Variants in VPS13C observed in about 807,000 individuals in gnomAD.
VPS13C encodes intermembrane lipid transfer protein VPS13C.
In VPS13C, 358 loss-of-function variants were observed where a neutral mutation model predicts 456.8. The observed-to-expected ratio is 0.78, with a 90% CI of 0.72 to 0.86. The LOEUF is 0.86. Ranked by LOEUF, VPS13C falls within the 40% of genes least tolerant of loss-of-function variation. The pLI is 0.00. For missense variants in VPS13C, 4,818 were observed against 4,385.4 expected, an observed-to-expected ratio of 1.10 and a Z score of -2.79; for synonymous variants, 1,578 against 1,486.7, an observed-to-expected ratio of 1.06 and a Z score of -1.41.
chr15:61,897,784 C>A (rs1275548895), intron 66 of VPS13C, among the ~76,000 whole-genome samples: 1 of 151,962 alleles, frequency 6.6e-6, no homozygotes, highest in Non-Finnish European at 1.5e-5. Flanking sequence ...AAGAGCAACT[C>A]CAAGACACAT....
chr15:62,020,445 G>C (rs368485914), intron 9 of VPS13C, 34 bp downstream of exon 9: 1 of 1,577,414 alleles, frequency 6.3e-7, no homozygotes, highest in Non-Finnish European at 8.6e-7. Context: ...TACTTTACAG[G>C]TTCCATAGAA....
rs538035368 is a variant in VPS13C, at chr15:61,890,451, T to C, written c.9106-51A>G. On this transcript the variant is annotated intron_variant, in intron 66 of 84. Transcript: ENST00000644861. ...ACCCACACATAGTAACTTGTTATTA[T>C]ATAAAATTGAACTATAATAACAGAA... is the stretch of plus-strand genomic sequence containing the variant. 1.5e-4 allele frequency: 218 copies of C among 1,490,598 alleles called. 3 individuals carry two copies. The South Asian group carries it at 2.5e-3, about 17-fold the overall frequency. 92.3% of individuals were successfully genotyped at this position (1,490,598 alleles called of 1,614,324 possible). A position where few individuals can be genotyped will look rare whatever the true frequency, so the allele number is the denominator to read the frequency against.
At chr15:62,009,661 A>G (rs2046976443) in intron 13 of VPS13C, among the ~76,000 whole-genome samples, 1 of 152,206 alleles carries the variant, frequency 6.6e-6, no homozygotes, top group African/African-American at 2.4e-5. Flanking sequence ...TACAACTTGC[A>G]TTACATTTTT....
In VPS13C at chr15:61,962,443, C is replaced by G. The variant is rs191357654; in HGVS notation, c.3531G>C (p.Val1177=). The change falls in exon 34 of 85, where the codon GTG becomes GTC. Residue 1177 remains valine, a synonymous_variant. Coordinates refer to ENST00000644861, the MANE Select transcript of VPS13C (RefSeq NM_020821.3). ...EGDLYTDMSK[V]DGVLSLNVGC... The stretch of plus-strand genomic sequence containing the variant: ...CAACATTCAGAGACAGCACACCATC[C>G]ACTTTGGACATGTCAGTATACAAAT... The G allele has an allele frequency of 6.2e-7, 1 of 1,611,646 alleles. No individual in the cohort carries two copies. Among genetic ancestry groups the G allele is most frequent in the South Asian group, 1.1e-5 (1 of 90,702 alleles).
Position 61,915,725 on chromosome 15 carries a change from G to A in VPS13C, c.8353C>T (p.Arg2785Cys), listed in dbSNP as rs145670690. ...TGTTTCACATGAATATCTTCTGAAC[G>A]ATACTGGAGAACCCGGGTAGTCTTG... ...INKTTRVLQY[R>C]SEDIHVKHPA... The change falls in exon 61 of 85, where the codon CGT becomes TGT. Residue 2785 changes from arginine to cysteine, a missense_variant. Physicochemically the swap from Arg to Cys is radical, Grantham distance 180 (BLOSUM62 -3). This residue lies in a region of VPS13C where 4,552 missense variants were observed against 4,130.6 expected (regional missense o/e 1.10). Transcript: ENST00000644861. 2,163 of 1,614,038 alleles carry A rather than the reference G, an allele frequency of 1.3e-3. 39 individuals carry two copies. The South Asian group carries it at 0.021, about 16-fold the overall frequency.
rs1045654653 is a variant in VPS13C at position 62,000,633 on chromosome 15, A to G, written c.1291-7T>C. On this transcript the variant is annotated splice_polypyrimidine_tract_variant and splice_region_variant and intron_variant, in intron 15 of 84. Transcript: ENST00000644861. ...CTAGAGTCTTCTCCAAGTCCTGTAAAAAACAGAGGCACTTATAAACAAGAA... is the reference window on the plus strand; with the variant it reads ...CTAGAGTCTTCTCCAAGTCCTGTAAGAAACAGAGGCACTTATAAACAAGAA... 6 of 1,591,092 alleles carry G rather than the reference A, an allele frequency of 3.8e-6. No individual in the cohort carries two copies. The African/African-American group carries it at 8.2e-5, about 22-fold the overall frequency.
chr15:61,999,879 G>A (rs74385541), intron 16 of VPS13C, among the ~76,000 whole-genome samples: 1,568 of 140,672 alleles, frequency 0.011, 37 homozygotes, highest in African/African-American at 0.04. Flanking sequence ...AGAAGGAAGG[G>A]AAGGAAGAGG....
chr15:62,015,853 C>A (rs12438476), intron 9 of VPS13C, among the ~76,000 whole-genome samples: 2 of 127,538 alleles, frequency 1.6e-5, no homozygotes, highest in African/African-American at 2.9e-5. Flanking sequence ...TTAGTGGGTG[C>A]AGCGCACCAG....
At chr15:62,014,849 G>T (rs978088997) in intron 9 of VPS13C, among the ~76,000 whole-genome samples, 1 of 152,024 alleles carries the variant, frequency 6.6e-6, no homozygotes, top group Admixed American at 6.6e-5. Context: ...ATAAAAGAGG[G>T]AATGGTAAAT....
chr15:61,884,114 G>C lies in VPS13C; in HGVS notation c.9483+14C>G, dbSNP rs763857277. The C allele has an allele frequency of 1.3e-6, 2 of 1,560,674 alleles. No homozygotes were observed. Among genetic ancestry groups the C allele is most frequent in the African/African-American group, 1.4e-5 (1 of 71,488 alleles). On this transcript the variant is annotated intron_variant, in intron 68 of 84. Transcript: ENST00000644861. ...TACACATATAAAAATCAAAACAAAA[G>C]AATTTTGGTATACCTCAAAATTATT...
rs778354649 is a variant in VPS13C at position 61,875,888 on chromosome 15, G to GT, written c.10225-44dup. 2.4e-6 allele frequency: 3 copies of GT among 1,247,238 alleles called. No homozygotes were observed. The African/African-American group carries it at 4.7e-5, about 19-fold the overall frequency. The allele number at this position is 1,247,238 out of a possible 1,614,324, so 77.3% of individuals were successfully genotyped here. On this transcript the variant is annotated intron_variant, in intron 75 of 84. Transcript: ENST00000644861. ...TTAAATTAAGTCCTTCACAACTATT[G>GT]TAAGAAACATCATAATGAAATAGAA...
In VPS13C at chr15:61,981,411, T is replaced by C. The variant is rs763098003; in HGVS notation, c.2097A>G (p.Leu699=). 10 of 1,612,984 alleles carry C rather than the reference T, an allele frequency of 6.2e-6. No individual in the cohort carries two copies. In the African/African-American group the frequency reaches 1.3e-4, roughly 22 times the overall value. ...GGTGGAAACCCGTCTGTGGAACTAC[T>C]AGATAAGAAGGCTTCAGATTTATCC... The part of the protein sequence containing the change: ...DLRINLKPSY[L]VVPQTGFHHE... The change falls in exon 22 of 85, where the codon CTA becomes CTG. Residue 699 remains leucine, a synonymous_variant. Transcript: ENST00000644861.
intron 18 of VPS13C, 63 bp from the exon 19 acceptor site, chr15:61,985,062 TTTC>T (rs1159632055): frequency 4.5e-5 from 55 of 1,232,414 alleles, no homozygotes; most frequent in Admixed American, 2.9e-4. Context: ...TCTTTAATAA[TTTC>T]TTATTTAAAT....
intron 8 of VPS13C, among the ~76,000 whole-genome samples, chr15:62,022,430 A>C (rs1370001554): frequency 6.6e-6 from 1 of 151,874 alleles, no homozygotes; most frequent in Non-Finnish European, 1.5e-5. Flanking sequence ...GATTTTAATG[A>C]TAATTCTTCC....
intron 66 of VPS13C, among the ~76,000 whole-genome samples, chr15:61,906,032 A>T (rs1479066168): frequency 6.6e-6 from 1 of 152,190 alleles, no homozygotes; most frequent in Non-Finnish European, 1.5e-5. Context: ...TTCTGAATCA[A>T]CAGGATAATG....
At chr15:62,015,960 CAAAAAA>C (rs67786303) in intron 9 of VPS13C, among the ~76,000 whole-genome samples, 2 of 72,406 alleles carry the variant, frequency 2.8e-5, no homozygotes, top group African/African-American at 9.8e-5. Flanking sequence ...AAAAGAAGTC[CAAAAAA>C]AAAAAAAAAA....
At position 61,869,490 on chromosome 15, in the gene VPS13C, A is replaced by G. The variant is rs753369894; in HGVS notation, c.10748+10T>C. 10 of 1,613,848 alleles carry G rather than the reference A, an allele frequency of 6.2e-6. No homozygotes were observed. The African/African-American group carries it at 1.1e-4, about 17-fold the overall frequency. Reference sequence around the variant, plus strand: ...GACACATACCTTGCACATAGTATGTACTCAATTACCTCTGAATGCCTTGGA... The same window carrying G: ...GACACATACCTTGCACATAGTATGTGCTCAATTACCTCTGAATGCCTTGGA... On this transcript the variant is annotated intron_variant, in intron 80 of 84. Transcript: ENST00000644861.
intron 37 of VPS13C, among the ~76,000 whole-genome samples, chr15:61,957,283 G>A (rs1392780667): frequency 6.6e-6 from 1 of 152,090 alleles, no homozygotes; most frequent in East Asian, 1.9e-4. Flanking sequence ...TAAAATGGTA[G>A]TTACCTCTGC....
chr15:62,000,630 T>TA lies in VPS13C; in HGVS notation c.1291-5dup. 6 of 1,593,736 alleles carry TA rather than the reference T, an allele frequency of 3.8e-6. No individual in the cohort carries two copies. The highest frequency in any genetic ancestry group is 2.4e-5 in the South Asian group (2 of 84,880). ...CATCTAGAGTCTTCTCCAAGTCCTG[T>TA]AAAAAACAGAGGCACTTATAAACAA... On this transcript the variant is annotated splice_polypyrimidine_tract_variant and splice_region_variant and intron_variant, in intron 15 of 84. Coordinates refer to ENST00000644861, the MANE Select transcript of VPS13C (RefSeq NM_020821.3).
Sources: gnomAD v4.1 joint callset for allele counts (sites outside exome capture counted in the v4.1 genomes callset) on GRCh38, gnomAD v4.1.1 for gene constraint, gnomAD v4.1.1 regional missense constraint, MANE v1.5 for transcripts, NCBI Gene and HGNC (gene_info 2026-07-23, HGNC 2026-07-21) for gene names.